Variants in ATP2C1 observed in about 807,000 individuals in gnomAD.
ATP2C1 encodes calcium-transporting ATPase type 2C member 1.
A neutral mutation model predicts 120.5 loss-of-function variants in ATP2C1; 31 were observed. That is an observed-to-expected ratio of 0.26 (90% CI 0.19 to 0.35). The LOEUF (loss-of-function observed/expected upper bound fraction) is 0.35. Among genes scored for constraint, ATP2C1 ranks in the 10% least tolerant of loss-of-function variants. The pLI is 1.00. For missense variants in ATP2C1, 731 were observed against 1,107.5 expected (o/e 0.66, Z 4.83); for synonymous variants, 351 against 358.7 (o/e 0.98, Z 0.24).
chr3:130,929,594 C>A (rs939594580), intron 2 of ATP2C1, among the ~76,000 whole-genome samples: 4 of 152,100 alleles, frequency 2.6e-5, no homozygotes. Context: ...CAAGTGTTTT[C>A]GTCTCTTAAG....
chr3:130,979,473 G>A, intron 19 of ATP2C1, 54 bp downstream of exon 19: 1 of 1,559,722 alleles, frequency 6.4e-7, no homozygotes, highest in Non-Finnish European at 8.8e-7. Flanking sequence ...AAATACTGTG[G>A]TGCATAATTT....
Position 130,894,277 on chromosome 3 carries a change from GC to G in ATP2C1, c.-236del. The G allele has an allele frequency of 1.0e-6, 1 of 985,940 alleles. No individual in the cohort carries two copies. The highest frequency in any genetic ancestry group is 1.2e-6 in the Non-Finnish European group (1 of 830,338). 61.1% of individuals were successfully genotyped at this position (985,940 alleles called of 1,614,324 possible). A position where few individuals can be genotyped will look rare whatever the true frequency, so the allele number is the denominator to read the frequency against. ...CCTCTTCTCCCGAGGCGCGCGGGGC[GC>G]CCCCGCGAGCCCCGCGGCTGAGACC... On this transcript the variant is annotated 5_prime_UTR_variant, in exon 1 of 28. Transcript: ENST00000510168. The surrounding 1 kb of genome is among the most constrained non-coding windows in gnomAD (Gnocchi z 4.5).
At chr3:130,859,599 T>G (rs2067952178) in intron 1 of ATP2C1, among the ~76,000 whole-genome samples, 1 of 152,230 alleles carries the variant, frequency 6.6e-6, no homozygotes, top group Non-Finnish European at 1.5e-5. Context: ...ATGCAGTCAG[T>G]GCTGGCAACT....
chr3:130,974,247 A>T (rs928778318), intron 17 of ATP2C1, among the ~76,000 whole-genome samples: 1 of 152,262 alleles, frequency 6.6e-6, no homozygotes, highest in African/African-American at 2.4e-5. Context: ...GAAGTATCCT[A>T]TTTGAGCTAT....
rs116913000 is a variant in ATP2C1 at position 130,871,868 on chromosome 3, A to G, written c.108+20940A>G. Among the ~76,000 whole-genome samples the G allele has an allele frequency of 2.2e-4, 33 of 152,206 alleles. No homozygotes were observed. In the East Asian group the frequency reaches 6.0e-3, roughly 28 times the overall value. On this transcript the variant is annotated intron_variant, in intron 1 of 26. Transcript: ENST00000504381. ...AAACCCCATCTCTATTAAAAAGTAC[A>G]AAAATTAGCCAGGCGTGCTGGCGCG...
At position 130,897,260 on chromosome 3, in the gene ATP2C1, C is replaced by G. The variant is rs185747220; in HGVS notation, c.6+2485C>G. On this transcript the variant is annotated intron_variant, in intron 2 of 27. Transcript: ENST00000510168. Reference sequence around the variant, plus strand: ...TTTAAGCCTACAGAAAAAGTTAGGGCTCTACCAAGAAGCCAGGGTCCAGTA... The same window carrying G: ...TTTAAGCCTACAGAAAAAGTTAGGGGTCTACCAAGAAGCCAGGGTCCAGTA... Among the ~76,000 whole-genome samples, 6 of 152,230 alleles carry G rather than the reference C, an allele frequency of 3.9e-5. No individual in the cohort carries two copies. In the East Asian group the frequency reaches 7.7e-4, roughly 20 times the overall value.
intron 17 of ATP2C1, among the ~76,000 whole-genome samples, chr3:130,974,247 A>G (rs928778318): frequency 1.3e-5 from 2 of 152,262 alleles, no homozygotes; most frequent in Non-Finnish European, 2.9e-5. Context: ...GAAGTATCCT[A>G]TTTGAGCTAT....
chr3:130,861,319 C>T (rs1019889493), intron 1 of ATP2C1, among the ~76,000 whole-genome samples: 9 of 152,148 alleles, frequency 5.9e-5, no homozygotes, highest in East Asian at 1.9e-4. Flanking sequence ...TTATGGGAAT[C>T]GGCTCATGCA....
At chr3:131,012,338 GCCTCTGTCTC>G (rs1250456607) in intron 26 of ATP2C1, among the ~76,000 whole-genome samples, 1 of 146,654 alleles carries the variant, frequency 6.8e-6, no homozygotes, top group Non-Finnish European at 1.5e-5. Flanking sequence ...GTTCACTGCA[GCCTCTGTCTC>G]CCGGGTTCAA....
intron 2 of ATP2C1, among the ~76,000 whole-genome samples, chr3:130,905,886 G>A (rs898489214): frequency 7.2e-5 from 11 of 151,972 alleles, no homozygotes; most frequent in African/African-American, 2.7e-4. Context: ...TTTCTACATC[G>A]TTTACACTTG....
At chr3:130,906,546 G>C (rs2058129166) in intron 2 of ATP2C1, among the ~76,000 whole-genome samples, 1 of 152,024 alleles carries the variant, frequency 6.6e-6, no homozygotes, top group Admixed American at 6.6e-5. Context: ...AGAAGTGCTG[G>C]GTCATGGTAA....
chr3:130,930,581 C>G, intron 3 of ATP2C1, 55 bp downstream of exon 3: 2 of 1,098,108 alleles, frequency 1.8e-6, no homozygotes, highest in East Asian at 4.7e-5. Flanking sequence ...GTCACTTAGA[C>G]TCTATAAAAC....
intron 1 of ATP2C1, among the ~76,000 whole-genome samples, chr3:130,861,705 A>G (rs1344700098): frequency 6.6e-6 from 1 of 152,126 alleles, no homozygotes; most frequent in East Asian, 1.9e-4. Flanking sequence ...TAGCCCAGTA[A>G]AATTGAGACA....
chr3:131,010,830 C>T (rs905012482), intron 26 of ATP2C1, among the ~76,000 whole-genome samples: 1 of 152,194 alleles, frequency 6.6e-6, no homozygotes, highest in Admixed American at 6.5e-5. Flanking sequence ...ACTCTGGTCT[C>T]ACGTTGTCTT....
chr3:130,943,756 A>G (rs558028103), intron 8 of ATP2C1, among the ~76,000 whole-genome samples: 3 of 152,262 alleles, frequency 2.0e-5, no homozygotes, highest in South Asian at 2.1e-4. Context: ...TGCTACCCCA[A>G]ACAGACTTTT....
At chr3:130,909,644 C>T (rs2058296752) in intron 2 of ATP2C1, among the ~76,000 whole-genome samples, 1 of 152,094 alleles carries the variant, frequency 6.6e-6, no homozygotes, top group African/African-American at 2.4e-5. Context: ...GGCTCATTGA[C>T]TCGCTTGGAC....
At chr3:130,999,378 AT>A in intron 26 of ATP2C1, 139 bp from the exon 27 acceptor site, 1 of 768,060 alleles carries the variant, frequency 1.3e-6, no homozygotes, top group Non-Finnish European at 2.2e-6. Context: ...CAGTAGTAAA[AT>A]TTAAGATATT....
chr3:130,954,859 A>G (rs549634951), intron 9 of ATP2C1, among the ~76,000 whole-genome samples, 153 bp from the exon 10 acceptor site: 3 of 152,240 alleles, frequency 2.0e-5, no homozygotes, highest in Admixed American at 6.5e-5. Context: ...ACAGGAACAT[A>G]AAAAAGTAAA....
chr3:130,874,228 C>T (rs2068528440), intron 1 of ATP2C1, among the ~76,000 whole-genome samples: 1 of 151,970 alleles, frequency 6.6e-6, no homozygotes, highest in Non-Finnish European at 1.5e-5. Flanking sequence ...AAAATACAGT[C>T]AGTTATATAA....
Sources: allele counts gnomAD v4.1 joint callset (sites outside exome capture counted in the v4.1 genomes callset), GRCh38; gene constraint gnomAD v4.1.1; non-coding constraint Gnocchi (gnomAD v3.1); transcripts MANE v1.5; gene names NCBI Gene and HGNC (gene_info 2026-07-23, HGNC 2026-07-21).